Variants in ARL6IP5 observed in about 807,000 individuals in gnomAD.
ARL6IP5 encodes PRA1 family protein 3.
A neutral mutation model predicts 13.0 loss-of-function variants in ARL6IP5; 6 were observed. The observed-to-expected ratio is 0.46, with a 90% CI of 0.25 to 0.91. ARL6IP5 has a LOEUF of 0.91. Among genes scored for constraint, ARL6IP5 ranks in the 40% least tolerant of loss-of-function variants. The pLI, the probability that ARL6IP5 is intolerant of heterozygous loss-of-function variation, is 0.17. For synonymous variants in ARL6IP5, 91 were observed against 91.9 expected, an observed-to-expected ratio of 0.99 and a Z score of 0.06; for missense variants, 208 against 248.8, an observed-to-expected ratio of 0.84 and a Z score of 1.10.
intron 1 of ARL6IP5, among the ~76,000 whole-genome samples, chr3:69,101,445 C>T (rs1029144366): frequency 2.6e-5 from 4 of 151,562 alleles, no homozygotes; most frequent in Non-Finnish European, 4.4e-5. Context: ...ACCTCAGCCT[C>T]CTGAGTAGCT....
At chr3:69,103,346 G>T (rs932614612) in intron 2 of ARL6IP5, among the ~76,000 whole-genome samples, 11 of 152,220 alleles carry the variant, frequency 7.2e-5, no homozygotes, top group African/African-American at 2.4e-4. Context: ...CTGGAAACCA[G>T]CATGTGATTT....
chr3:69,104,703 G>A lies in ARL6IP5; in HGVS notation c.*67G>A, dbSNP rs7038. 6.4e-7 allele frequency: 1 copy of A among 1,562,414 alleles called. No homozygotes were observed. The highest frequency in any genetic ancestry group is 1.1e-5 in the South Asian group (1 of 87,580). On this transcript the variant is annotated 3_prime_UTR_variant, in exon 3 of 3. Transcript: ENST00000273258. ...GCAGCTTGCCCTTGTCCAGACCTAT[G>A]TTCTGCTTGCGTTTTTGAAACAGGA...
chr3:69,102,118 GA>G, intron 2 of ARL6IP5, 62 bp downstream of exon 2: 1 of 1,543,864 alleles, frequency 6.5e-7, no homozygotes, highest in Non-Finnish European at 8.9e-7. Context: ...TATCCAACGG[GA>G]ATTCCATAAC....
chr3:69,104,646 A>G lies in ARL6IP5; in HGVS notation c.*10A>G. On this transcript the variant is annotated 3_prime_UTR_variant, in exon 3 of 3. Coordinates refer to ENST00000273258, the MANE Select transcript of ARL6IP5 (RefSeq NM_006407.4). ...CAAAGTGAAGGAATAAACATAACTT[A>G]CCTGAGCTAGGGTTGCAGCAGAAAT... The G allele has an allele frequency of 1.2e-6, 2 of 1,611,648 alleles. No individual in the cohort carries two copies. The highest frequency in any genetic ancestry group is 1.7e-6 in the Non-Finnish European group (2 of 1,178,636).
chr3:69,100,743 T>C (rs989406147), intron 1 of ARL6IP5, among the ~76,000 whole-genome samples: 7 of 150,072 alleles, frequency 4.7e-5, no homozygotes, highest in African/African-American at 1.7e-4. Flanking sequence ...ATTGCGCCAC[T>C]GCACTCCAGC....
chr3:69,097,733 C>T (rs950455899), intron 1 of ARL6IP5, among the ~76,000 whole-genome samples: 3 of 152,128 alleles, frequency 2.0e-5, no homozygotes, highest in Non-Finnish European at 4.4e-5. Context: ...CCAGGTAACA[C>T]AGAACCAAGA....
intron 1 of ARL6IP5, among the ~76,000 whole-genome samples, chr3:69,088,526 G>T (rs544741821): frequency 7.4e-4 from 112 of 152,274 alleles, no homozygotes; most frequent in African/African-American, 2.5e-3. Context: ...GGTGAGGGAA[G>T]AACATAGCAA....
rs1277524484 is a variant in ARL6IP5, at chr3:69,093,768, AAAAAAAAAG to A, written c.177-8066_177-8058del. 2.4e-4 allele frequency among the ~76,000 whole-genome samples: 25 copies of A among 105,810 alleles called. No individual in the cohort carries two copies. The South Asian group carries it at 7.9e-3, about 34-fold the overall frequency. 69.4% of individuals were successfully genotyped at this position (105,810 alleles called of 152,430 possible). On this transcript the variant is annotated intron_variant, in intron 1 of 2. Transcript: ENST00000273258. ...AGAGGGAGATTCTGTCTCAAAAAAA[AAAAAAAAAG>A]AAAAGAAAAGAAAAAAATTAAAAAT...
Position 69,102,053 on chromosome 3 carries a change from C to T in ARL6IP5, c.391C>T (p.Leu131=), listed in dbSNP as rs369977310. 72 of 1,613,710 alleles carry T rather than the reference C, an allele frequency of 4.5e-5. No individual in the cohort carries two copies. Among genetic ancestry groups the T allele is most frequent in the Non-Finnish European group, 5.9e-5 (70 of 1,179,774 alleles). The change falls in exon 2 of 3, where the codon CTG becomes TTG. Residue 131 remains leucine, a synonymous_variant. Coordinates refer to ENST00000273258, the MANE Select transcript of ARL6IP5 (RefSeq NM_006407.4). The stretch of plus-strand genomic sequence containing the variant: ...TGTGTTTGGCATTACTTTTCCTTTG[C>T]TGTGTAAGTGAACTTGAGTTTTTTC... ...VFVFGITFPL[L]LMFIHASLRL...
chr3:69,092,456 A>G (rs2092270987), intron 1 of ARL6IP5, among the ~76,000 whole-genome samples: 2 of 152,084 alleles, frequency 1.3e-5, no homozygotes, highest in Admixed American at 1.3e-4. Flanking sequence ...GCCATGTGAC[A>G]GTTCTCAGTA....
At chr3:69,091,224 C>A (rs921644290) in intron 1 of ARL6IP5, among the ~76,000 whole-genome samples, 1 of 151,984 alleles carries the variant, frequency 6.6e-6, no homozygotes, top group African/African-American at 2.4e-5. Flanking sequence ...AAATATAAAT[C>A]TTTAATAAGG....
chr3:69,098,467 A>G (rs1318052762), intron 1 of ARL6IP5, among the ~76,000 whole-genome samples: 1 of 149,672 alleles, frequency 6.7e-6, no homozygotes, highest in East Asian at 2.0e-4. Flanking sequence ...CTGGTCTTGA[A>G]CTCCTGACCT....
intron 1 of ARL6IP5, among the ~76,000 whole-genome samples, chr3:69,089,210 C>G (rs144217736): frequency 2.0e-5 from 3 of 152,212 alleles, no homozygotes; most frequent in East Asian, 3.9e-4. Context: ...TTCCGTGATT[C>G]AAAATGTATA....
intron 1 of ARL6IP5, among the ~76,000 whole-genome samples, chr3:69,093,996 G>A (rs1461600699): frequency 6.6e-6 from 1 of 152,190 alleles, no homozygotes; most frequent in Non-Finnish European, 1.5e-5. Flanking sequence ...GCTCTGGTCA[G>A]AGAGACTGAG....
chr3:69,089,640 A>AC (rs1191831855), intron 1 of ARL6IP5, among the ~76,000 whole-genome samples: 17 of 150,012 alleles, frequency 1.1e-4, no homozygotes, highest in Admixed American at 8.6e-4. Flanking sequence ...CCCTGTCTAA[A>AC]AAAAAAAAAA....
chr3:69,098,368 C>T (rs1965132), intron 1 of ARL6IP5, among the ~76,000 whole-genome samples: 6 of 151,444 alleles, frequency 4.0e-5, no homozygotes, highest in Non-Finnish European at 1.5e-5. Context: ...CCTCAGCCTC[C>T]GAGTAGCTGA....
intron 1 of ARL6IP5, among the ~76,000 whole-genome samples, chr3:69,085,703 A>G (rs2092245587): frequency 1.3e-5 from 2 of 152,098 alleles, no homozygotes; most frequent in Non-Finnish European, 1.5e-5. Context: ...TTCTCTGCCT[A>G]ATGCCTGCCA....
chr3:69,090,581 G>A (rs937901035), intron 1 of ARL6IP5, among the ~76,000 whole-genome samples: 1 of 152,180 alleles, frequency 6.6e-6, no homozygotes, highest in African/African-American at 2.4e-5. Context: ...CTCAGGTGTT[G>A]GGAATAGGGG....
At chr3:69,086,405 G>A (rs1317633248) in intron 1 of ARL6IP5, among the ~76,000 whole-genome samples, 1 of 152,220 alleles carries the variant, frequency 6.6e-6, no homozygotes, top group Non-Finnish European at 1.5e-5. Context: ...CAGAGGAGAG[G>A]GGGAGACTTC....
Sources: allele counts gnomAD v4.1 joint callset (sites outside exome capture counted in the v4.1 genomes callset), GRCh38; gene constraint gnomAD v4.1.1; transcripts MANE v1.5; gene names NCBI Gene and HGNC (gene_info 2026-07-23, HGNC 2026-07-21).